The following ITGB5 variants were observed in gnomAD, a reference collection of about 807,000 sequenced individuals.
The protein encoded by ITGB5 is integrin subunit beta 5, also known as integrin beta-5.
ITGB5 carries 38 observed loss-of-function variants against 84.8 expected under a neutral mutation model. The ratio of observed to expected loss-of-function variants is 0.45; its 90% CI spans 0.35 to 0.59. The LOEUF is 0.59. Among genes scored for constraint, ITGB5 ranks in the 20% least tolerant of loss-of-function variants. The pLI is 0.01. For missense variants in ITGB5, 905 were observed against 1,034.5 expected (o/e 0.87, Z 1.72); for synonymous variants, 393 against 414.4 (o/e 0.95, Z 0.63).
chr3:124,839,919 T>C (rs955880711), intron 5 of ITGB5, among the ~76,000 whole-genome samples: 1 of 152,166 alleles, frequency 6.6e-6, no homozygotes, highest in Admixed American at 6.5e-5. Flanking sequence ...GCTACCTTCT[T>C]CTCCAGGAGG....
intron 10 of ITGB5, among the ~76,000 whole-genome samples, chr3:124,776,598 A>G (rs2063929976): frequency 6.6e-6 from 1 of 152,208 alleles, no homozygotes; most frequent in South Asian, 2.1e-4. Context: ...TTAAAGATGC[A>G]TTACAAAGTG....
intron 1 of ITGB5, among the ~76,000 whole-genome samples, chr3:124,874,932 G>A (rs1276853974): frequency 1.3e-5 from 2 of 152,166 alleles, no homozygotes; most frequent in Non-Finnish European, 2.9e-5. Flanking sequence ...AAAGCTCTCT[G>A]GCATCAGACT....
At chr3:124,816,600 G>C (rs2064599284) in intron 8 of ITGB5, among the ~76,000 whole-genome samples, 1 of 152,162 alleles carries the variant, frequency 6.6e-6, no homozygotes, top group Non-Finnish European at 1.5e-5. Context: ...CACAAGAGAA[G>C]GGATAGCAGA....
chr3:124,827,766 C>T (rs567817975), intron 5 of ITGB5, among the ~76,000 whole-genome samples: 1 of 152,300 alleles, frequency 6.6e-6, no homozygotes, highest in South Asian at 2.1e-4. Context: ...ATGGCCTGTT[C>T]CTGCCTGAAC....
At chr3:124,791,560 A>C (rs924041080) in intron 10 of ITGB5, 1 of 152,322 alleles carries the variant, frequency 6.6e-6, no homozygotes, top group South Asian at 2.1e-4. Flanking sequence ...CTCTGGGGTG[A>C]CCCTACCTAT....
intron 10 of ITGB5, among the ~76,000 whole-genome samples, chr3:124,783,452 A>G (rs1023309198): frequency 6.6e-6 from 1 of 152,148 alleles, no homozygotes; most frequent in Non-Finnish European, 1.5e-5. Flanking sequence ...ATTAGCCTAC[A>G]AACCCACACG....
At chr3:124,788,481 G>A (rs1366593026) in intron 10 of ITGB5, among the ~76,000 whole-genome samples, 4 of 152,262 alleles carry the variant, frequency 2.6e-5, no homozygotes, top group African/African-American at 7.2e-5. Context: ...CACCCTGTAC[G>A]TGGTAGCCTG....
At chr3:124,805,406 A>G (rs986009710) in intron 9 of ITGB5, among the ~76,000 whole-genome samples, 5 of 151,752 alleles carry the variant, frequency 3.3e-5, no homozygotes, top group African/African-American at 1.2e-4. Flanking sequence ...GTCTCCCAAA[A>G]TGCTAGGATT....
chr3:124,772,227 C>T (rs1460206909), intron 11 of ITGB5, among the ~76,000 whole-genome samples: 1 of 152,160 alleles, frequency 6.6e-6, no homozygotes, highest in Non-Finnish European at 1.5e-5. Flanking sequence ...CTTAGCAGGT[C>T]TAAAGTGAAT....
At chr3:124,895,338 C>T (rs1331711470) in intron 1 of ITGB5, among the ~76,000 whole-genome samples, 4 of 152,150 alleles carry the variant, frequency 2.6e-5, no homozygotes, top group Non-Finnish European at 5.9e-5. Flanking sequence ...GCAATCCTCC[C>T]GCCTCAGCCT....
At chr3:124,771,496 C>T (rs1187737507) in intron 11 of ITGB5, among the ~76,000 whole-genome samples, 1 of 152,074 alleles carries the variant, frequency 6.6e-6, no homozygotes, top group Non-Finnish European at 1.5e-5. Flanking sequence ...CACCTGTAAT[C>T]CCAACACTTT....
intron 11 of ITGB5, 113 bp from the exon 12 acceptor site, chr3:124,769,226 G>T: frequency 1.3e-6 from 1 of 748,200 alleles, no homozygotes. Context: ...CTTTCCAGCT[G>T]CAGATGTTCA....
At chr3:124,895,785 G>A (rs1189876433) in intron 1 of ITGB5, among the ~76,000 whole-genome samples, 1 of 152,162 alleles carries the variant, frequency 6.6e-6, no homozygotes, top group Non-Finnish European at 1.5e-5. Context: ...GTAGAATACG[G>A]CCCCTCATAT....
chr3:124,783,662 T>A (rs1456364989), intron 10 of ITGB5, among the ~76,000 whole-genome samples: 1 of 152,214 alleles, frequency 6.6e-6, no homozygotes, highest in Non-Finnish European at 1.5e-5. Flanking sequence ...AACTTAAATG[T>A]GATTCTTGAG....
At chr3:124,814,244 T>G (rs901360845) in intron 8 of ITGB5, among the ~76,000 whole-genome samples, 1 of 151,808 alleles carries the variant, frequency 6.6e-6, no homozygotes, top group Non-Finnish European at 1.5e-5. Context: ...TATCTTGCAG[T>G]TTTACATTTC....
At chr3:124,841,758 G>A (rs1423474919) in intron 4 of ITGB5, among the ~76,000 whole-genome samples, 1 of 152,216 alleles carries the variant, frequency 6.6e-6, no homozygotes, top group African/African-American at 2.4e-5. Flanking sequence ...CTGCAGGCAA[G>A]GCAGTATATG....
chr3:124,891,356 A>C (rs1037797806), upstream of ITGB5, among the ~76,000 whole-genome samples: 1 of 152,184 alleles, frequency 6.6e-6, no homozygotes, highest in East Asian at 1.9e-4. Context: ...AGGATGTAGT[A>C]GGTACTTATA....
chr3:124,764,710 CAA>C (rs561560595), intron 13 of ITGB5, among the ~76,000 whole-genome samples, 153 bp from the exon 14 acceptor site: 1 of 152,300 alleles, frequency 6.6e-6, no homozygotes, highest in East Asian at 1.9e-4. Flanking sequence ...CCCCAATGTA[CAA>C]AAAATGAAAG....
At chr3:124,860,593 G>C (rs1380875200) in intron 2 of ITGB5, among the ~76,000 whole-genome samples, 1 of 152,162 alleles carries the variant, frequency 6.6e-6, no homozygotes, top group Non-Finnish European at 1.5e-5. Context: ...AAATCATGAA[G>C]CCTCCCTGGT....
Sources: allele counts gnomAD v4.1 joint callset (sites outside exome capture counted in the v4.1 genomes callset), GRCh38; gene constraint gnomAD v4.1.1; transcripts MANE v1.5; gene names NCBI Gene and HGNC (gene_info 2026-07-23, HGNC 2026-07-21).